Variants in GALNTL6 observed in about 807,000 individuals in gnomAD.
GALNTL6 encodes polypeptide N-acetylgalactosaminyltransferase like 6.
In GALNTL6, 46 loss-of-function variants were observed where a neutral mutation model predicts 73.7. The observed-to-expected ratio is 0.62, with a 90% CI of 0.49 to 0.80. The LOEUF (loss-of-function observed/expected upper bound fraction) is 0.80, where lower values mean the gene tolerates loss of function less well. Ranked by LOEUF, GALNTL6 falls within the 30% of genes least tolerant of loss-of-function variation. GALNTL6 has a pLI of 0.00. For missense variants in GALNTL6, 604 were observed against 755.0 expected (o/e 0.80, Z 2.34); for synonymous variants, 259 against 263.7 (o/e 0.98, Z 0.17).
At chr4:171,945,052 G>A (rs2111020457) in intron 2 of GALNTL6, among the ~76,000 whole-genome samples, 1 of 152,160 alleles carries the variant, frequency 6.6e-6, no homozygotes, top group Non-Finnish European at 1.5e-5. Context: ...TGCCTCTTGA[G>A]AAGATGGCGG....
intron 2 of GALNTL6, among the ~76,000 whole-genome samples, chr4:171,838,201 G>A (rs533349945): frequency 6.6e-6 from 1 of 152,004 alleles, no homozygotes; most frequent in Non-Finnish European, 1.5e-5. Context: ...TCGGCTCACT[G>A]CAACCTCTGT....
At chr4:172,665,101 A>T (rs886116301) in intron 5 of GALNTL6, among the ~76,000 whole-genome samples, 16 of 152,298 alleles carry the variant, frequency 1.1e-4, no homozygotes, top group Admixed American at 8.5e-4. Context: ...CTCATCCCAG[A>T]ATAACACGAG....
At chr4:172,498,659 A>G (rs1368647250) in intron 5 of GALNTL6, among the ~76,000 whole-genome samples, 2 of 152,182 alleles carry the variant, frequency 1.3e-5, no homozygotes, top group Non-Finnish European at 2.9e-5. Context: ...AAGCTATAAA[A>G]TAAGTGCAGA....
At chr4:172,077,071 T>A (rs1212376939) in intron 2 of GALNTL6, among the ~76,000 whole-genome samples, 1 of 152,208 alleles carries the variant, frequency 6.6e-6, no homozygotes, top group Non-Finnish European at 1.5e-5. Context: ...GGCTTCTCAG[T>A]CATGCTTCCT....
chr4:172,920,148 A>G (rs188851794), intron 8 of GALNTL6, among the ~76,000 whole-genome samples: 1 of 152,344 alleles, frequency 6.6e-6, no homozygotes, highest in Non-Finnish European at 1.5e-5. Context: ...TCCCCTGAAA[A>G]TAAAACCATC....
In GALNTL6 at chr4:172,337,211, T is replaced by G. The variant is rs191972987; in HGVS notation, c.387-11312T>G. ...AGACAGCTGCTGGACGGGTCATTTT[T>G]TTTTTTAATCCAGCTTGGCACCCTG... On this transcript the variant is annotated intron_variant, in intron 4 of 12. Coordinates refer to ENST00000506823, the MANE Select transcript of GALNTL6 (RefSeq NM_001034845.3). 2.2e-4 allele frequency among the ~76,000 whole-genome samples: 34 copies of G among 152,300 alleles called. No homozygotes were observed. In the East Asian group the frequency reaches 5.0e-3, roughly 23 times the overall value.
intron 2 of GALNTL6, among the ~76,000 whole-genome samples, chr4:172,176,346 A>AAAAAAAAAAAAAAAAAAAAAG (rs1463765997): frequency 2.0e-5 from 3 of 147,800 alleles, no homozygotes; most frequent in Non-Finnish European, 3.0e-5. Flanking sequence ...TCAAAAAAAA[A>AAAAAAAAAAAAAAAAAAAAAG]AAAAAAAAAA....
intron 8 of GALNTL6, among the ~76,000 whole-genome samples, chr4:172,924,368 A>G (rs371681404): frequency 1.4e-4 from 22 of 152,348 alleles, no homozygotes; most frequent in African/African-American, 5.3e-4. Flanking sequence ...AGAAGGCTCC[A>G]TGTGCTCAAA....
At chr4:172,358,333 C>G (rs1170259630) in intron 5 of GALNTL6, among the ~76,000 whole-genome samples, 2 of 152,140 alleles carry the variant, frequency 1.3e-5, no homozygotes, top group Non-Finnish European at 2.9e-5. Context: ...AATAAGTCCC[C>G]CAATATAGAG....
intron 2 of GALNTL6, among the ~76,000 whole-genome samples, chr4:171,936,987 C>T (rs1248988712): frequency 6.6e-6 from 1 of 152,112 alleles, no homozygotes; most frequent in Admixed American, 6.6e-5. Context: ...GCTGAACCTG[C>T]AAGATCACGC....
chr4:172,116,527 C>T (rs2110988892), intron 2 of GALNTL6, among the ~76,000 whole-genome samples: 1 of 152,238 alleles, frequency 6.6e-6, no homozygotes, highest in East Asian at 1.9e-4. Flanking sequence ...ACCTCACCTT[C>T]CCGAAGTGCT....
At chr4:172,977,774 A>C (rs1290128807) in intron 10 of GALNTL6, among the ~76,000 whole-genome samples, 1 of 152,204 alleles carries the variant, frequency 6.6e-6, no homozygotes, top group Non-Finnish European at 1.5e-5. Context: ...GCACATGTGC[A>C]GTAGCTGTAC....
chr4:172,320,452 A>G (rs1740719302), intron 4 of GALNTL6, among the ~76,000 whole-genome samples: 1 of 152,216 alleles, frequency 6.6e-6, no homozygotes, highest in South Asian at 2.1e-4. Context: ...CTTCTTTGCA[A>G]CGTTGCATAG....
chr4:172,706,833 G>A (rs1168489608), intron 5 of GALNTL6, among the ~76,000 whole-genome samples: 1 of 152,172 alleles, frequency 6.6e-6, no homozygotes, highest in African/African-American at 2.4e-5. Flanking sequence ...GTCATGTACA[G>A]CCTCTCTAAC....
At chr4:171,839,086 G>A (rs2110839697) in intron 2 of GALNTL6, among the ~76,000 whole-genome samples, 1 of 152,044 alleles carries the variant, frequency 6.6e-6, no homozygotes, top group African/African-American at 2.4e-5. Context: ...TTATGTAGTA[G>A]TTCAGATAAC....
intron 9 of GALNTL6, among the ~76,000 whole-genome samples, chr4:172,947,786 T>G (rs1749241064): frequency 6.6e-6 from 1 of 152,226 alleles, no homozygotes; most frequent in Non-Finnish European, 1.5e-5. Context: ...CCTATTCCAC[T>G]ATCTCTGTGT....
intron 5 of GALNTL6, among the ~76,000 whole-genome samples, chr4:172,518,670 T>C (rs1734685586): frequency 6.6e-6 from 1 of 151,972 alleles, no homozygotes; most frequent in African/African-American, 2.4e-5. Flanking sequence ...CATTATAACT[T>C]CTTAATCGAT....
chr4:172,969,741 A>G (rs1194277277), intron 10 of GALNTL6, among the ~76,000 whole-genome samples: 4 of 152,202 alleles, frequency 2.6e-5, no homozygotes, highest in Non-Finnish European at 5.9e-5. Flanking sequence ...TTGTCCCCCA[A>G]AGTTCATGTG....
intron 3 of GALNTL6, among the ~76,000 whole-genome samples, chr4:172,254,723 G>C (rs533682250): frequency 6.6e-6 from 1 of 151,760 alleles, no homozygotes; most frequent in South Asian, 2.1e-4. Flanking sequence ...AGAGTGTACT[G>C]GTTTTTAGTT....
Sources: gnomAD v4.1 joint callset for allele counts (sites outside exome capture counted in the v4.1 genomes callset) on GRCh38, gnomAD v4.1.1 for gene constraint, MANE v1.5 for transcripts, NCBI Gene and HGNC (gene_info 2026-07-23, HGNC 2026-07-21) for gene names.